NSD1: variants seen among roughly 807,000 people sequenced by gnomAD.
NSD1 encodes the protein histone-lysine N-methyltransferase, H3 lysine-36 specific.
In NSD1, 26 loss-of-function variants were observed where a neutral mutation model predicts 242.7. The ratio of observed to expected loss-of-function variants is 0.11; its 90% CI spans 0.08 to 0.15. The LOEUF is 0.15. Among genes scored for constraint, NSD1 ranks in the 10% least tolerant of loss-of-function variants. The probability of loss-of-function intolerance (pLI) is 1.00; values close to 1 mark genes in which losing one functional copy is unlikely to be tolerated. For missense variants in NSD1, 2,495 were observed against 3,272.8 expected, an observed-to-expected ratio of 0.76 and a Z score of 5.80; for synonymous variants, 1,106 against 1,178.1, an observed-to-expected ratio of 0.94 and a Z score of 1.25.
chr5:177,265,938 T>C, intron 14 of NSD1: 1 of 1,314,888 alleles, frequency 7.6e-7, no homozygotes, highest in Non-Finnish European at 1.1e-6. Flanking sequence ...ACCTCCTTTA[T>C]GAGGCAGGCG....
chr5:177,243,178 T>TTTTC (rs893379635), intron 8 of NSD1, among the ~76,000 whole-genome samples: 14 of 152,034 alleles, frequency 9.2e-5, no homozygotes, highest in South Asian at 4.2e-4. Flanking sequence ...GATGGGTTAT[T>TTTTC]TTTCTTTCTT....
chr5:177,211,172 C>G lies in NSD1; in HGVS notation c.2773C>G (p.Gln925Glu), dbSNP rs2149846207. The change falls in exon 5 of 23, where the codon CAG becomes GAG. Residue 925 changes from glutamine (Q) to glutamate (E), a missense_variant. This residue lies in a region of NSD1 where 121 missense variants were observed against 167.2 expected (regional missense o/e 0.72). Transcript: ENST00000439151. ...KDMHDSKTKE[Q>E]RLMTAQNLVS... ...TATGCATGATAGTAAGACGAAGGAG[C>G]AGCGGTTGATGACTGCTCAAAACCT... 1 of 1,614,148 alleles carries G rather than the reference C, an allele frequency of 6.2e-7. No homozygotes were observed. Among genetic ancestry groups the G allele is most frequent in the Non-Finnish European group, 8.5e-7 (1 of 1,180,018 alleles).
intron 14 of NSD1, chr5:177,264,684 CTTATTTT>C: frequency 1.9e-6 from 1 of 530,950 alleles, no homozygotes; most frequent in Non-Finnish European, 3.5e-6. Context: ...AACTCCCACT[CTTATTTT>C]AAGAGCTTGT....
At chr5:177,165,769 C>CTGT (rs369672305) in intron 2 of NSD1, among the ~76,000 whole-genome samples, 248 of 151,922 alleles carry the variant, frequency 1.6e-3, no homozygotes, top group Middle Eastern at 6.8e-3. Context: ...TGGCAAATCA[C>CTGT]TGTTGTTGTT....
At chr5:177,147,661 C>A (rs1397881581) in intron 2 of NSD1, among the ~76,000 whole-genome samples, 1 of 151,714 alleles carries the variant, frequency 6.6e-6, no homozygotes, top group Non-Finnish European at 1.5e-5. Context: ...ATGATCTTGG[C>A]TCACTGCAAC....
chr5:177,244,196 G>A lies in NSD1; in HGVS notation c.4304G>A (p.Cys1435Tyr), dbSNP rs1193098451. Residue 1435 changes from cysteine to tyrosine, a missense_variant and splice_region_variant, in exon 9 of 23, where the codon TGC becomes TAC. By Grantham distance (194) the Cys-to-Tyr change is radical (BLOSUM62 -2). This residue lies in a region of NSD1 where 100 missense variants were observed against 190.7 expected (regional missense o/e 0.52). Transcript: ENST00000439151. ...GGTGTTGTTTTCACTTATTTATAGT[G>A]CTATGAAGCTGGTCACCTGGAGAAT... ...KKGDLGLSKK[C>Y]YEAGHLENGI... 1 of 1,608,978 alleles carries A rather than the reference G, an allele frequency of 6.2e-7. No homozygotes were observed. The highest frequency in any genetic ancestry group is 2.2e-5 in the East Asian group (1 of 44,836).
intron 5 of NSD1, chr5:177,229,666 C>T: frequency 3.1e-6 from 1 of 327,854 alleles, no homozygotes; most frequent in South Asian, 2.3e-5. Flanking sequence ...TGGGAGAGAA[C>T]ATAGGTAGGG....
In NSD1 at chr5:177,195,053, G is replaced by A. The variant is rs531181667; in HGVS notation, c.1063+3034G>A. Among the ~76,000 whole-genome samples, 7 of 152,158 alleles carry A rather than the reference G, an allele frequency of 4.6e-5. No individual in the cohort carries two copies. In the South Asian group the frequency reaches 1.5e-3, roughly 32 times the overall value. On this transcript the variant is annotated intron_variant, in intron 3 of 22. Coordinates refer to ENST00000439151, the MANE Select transcript of NSD1 (RefSeq NM_022455.5). ...ATGCTCCTACAATCCCAGCTACTGG[G>A]GAGGCTGAGGCAGAAGAATTGCTTG... is the stretch of plus-strand genomic sequence containing the variant.
intron 4 of NSD1, among the ~76,000 whole-genome samples, chr5:177,207,277 T>A (rs892155802): frequency 3.3e-5 from 5 of 151,032 alleles, no homozygotes; most frequent in African/African-American, 4.9e-5. Flanking sequence ...TTTTTTAATT[T>A]ATTTATTTTT....
intron 2 of NSD1, among the ~76,000 whole-genome samples, chr5:177,185,234 G>T (rs1761007362): frequency 6.6e-6 from 1 of 152,062 alleles, no homozygotes; most frequent in Non-Finnish European, 1.5e-5. Flanking sequence ...TTAGGAGGGC[G>T]ATTTGGGTGG....
intron 2 of NSD1, among the ~76,000 whole-genome samples, chr5:177,166,675 T>C (rs1242444593): frequency 1.3e-5 from 2 of 151,996 alleles, no homozygotes; most frequent in Non-Finnish European, 2.9e-5. Flanking sequence ...CCCTTATCCC[T>C]AAATTTTCTT....
At chr5:177,165,730 C>A (rs1759133534) in intron 2 of NSD1, among the ~76,000 whole-genome samples, 1 of 152,042 alleles carries the variant, frequency 6.6e-6, no homozygotes. Flanking sequence ...TCCCAGGTAA[C>A]CAGGACTACA....
intron 3 of NSD1, among the ~76,000 whole-genome samples, chr5:177,202,163 C>T (rs887251992): frequency 3.2e-4 from 41 of 129,406 alleles, no homozygotes; most frequent in African/African-American, 1.5e-3. Flanking sequence ...AGTGAAACTC[C>T]GTCTCAGAAA....
intron 2 of NSD1, among the ~76,000 whole-genome samples, chr5:177,189,113 T>C (rs951853084): frequency 8.5e-5 from 13 of 152,280 alleles, no homozygotes; most frequent in African/African-American, 2.6e-4. Flanking sequence ...TTAGGAATTA[T>C]AGGAAATTAC....
intron 14 of NSD1, among the ~76,000 whole-genome samples, chr5:177,260,532 G>C (rs908550947): frequency 6.6e-6 from 1 of 151,778 alleles, no homozygotes; most frequent in African/African-American, 2.4e-5. Flanking sequence ...ATTTTTAGTA[G>C]AGACAGGGTT....
At chr5:177,179,434 C>T (rs564881545) in intron 2 of NSD1, among the ~76,000 whole-genome samples, 3 of 152,306 alleles carry the variant, frequency 2.0e-5, no homozygotes, top group South Asian at 2.1e-4. Context: ...AGACTGGTCT[C>T]GAACTCCTGA....
intron 14 of NSD1, chr5:177,265,955 A>G (rs749642044): frequency 5.7e-6 from 7 of 1,225,512 alleles, no homozygotes; most frequent in Non-Finnish European, 7.2e-6. Flanking sequence ...GGCGTTGGTA[A>G]CCAGCTGTTT....
chr5:177,203,905 A>G (rs1289326137), intron 3 of NSD1, among the ~76,000 whole-genome samples: 1 of 152,164 alleles, frequency 6.6e-6, no homozygotes, highest in Non-Finnish European at 1.5e-5. Flanking sequence ...AGACTAGACT[A>G]CTGATTCTTT....
chr5:177,224,526 ATTATT>A (rs1156874037), intron 5 of NSD1, among the ~76,000 whole-genome samples: 1 of 151,898 alleles, frequency 6.6e-6, no homozygotes, highest in East Asian at 1.9e-4. Context: ...CATTTTGTAT[ATTATT>A]TTATCGTGCA....
Sources: allele counts gnomAD v4.1 joint callset (sites outside exome capture counted in the v4.1 genomes callset), GRCh38; gene constraint gnomAD v4.1.1; regional missense constraint gnomAD v4.1.1; transcripts MANE v1.5; gene names NCBI Gene and HGNC (gene_info 2026-07-23, HGNC 2026-07-21).